Variants in MINAR1 observed in about 807,000 individuals in gnomAD.
The protein encoded by MINAR1 is membrane integral NOTCH2 associated receptor 1.
MINAR1 carries 40 observed loss-of-function variants against 65.1 expected under a neutral mutation model. The ratio of observed to expected loss-of-function variants is 0.61; its 90% CI spans 0.48 to 0.80. MINAR1 has a LOEUF of 0.80. Among genes scored for constraint, MINAR1 ranks in the 30% least tolerant of loss-of-function variants. The pLI, the probability that MINAR1 is intolerant of heterozygous loss-of-function variation, is 0.00. For synonymous variants in MINAR1, 482 were observed against 449.1 expected, an observed-to-expected ratio of 1.07 and a Z score of -0.93; for missense variants, 1,128 against 1,148.0, an observed-to-expected ratio of 0.98 and a Z score of 0.25.
the MINAR1 span, chr15:79,418,857 G>C: frequency 6.6e-6 from 1 of 150,786 alleles, no homozygotes; most frequent in East Asian, 1.9e-4. Flanking sequence ...CCAGCCAGCT[G>C]GCCTCACTCC....
At chr15:79,442,042 T>C (rs975283771) in intron 1 of MINAR1, among the ~76,000 whole-genome samples, 3 of 140,972 alleles carry the variant, frequency 2.1e-5, no homozygotes, top group Non-Finnish European at 3.1e-5. Flanking sequence ...TTTTTCAAGG[T>C]TTTTTTACTT....
the MINAR1 span, chr15:79,416,437 G>A: frequency 6.6e-6 from 1 of 152,204 alleles, no homozygotes; most frequent in African/African-American, 2.4e-5. Flanking sequence ...GAAATTCCTA[G>A]CTTGCCAGCA....
At position 79,469,429 on chromosome 15, in the gene MINAR1, A is replaced by G. The variant is rs1895992737; in HGVS notation, c.*1045A>G. On this transcript the variant is annotated 3_prime_UTR_variant, in exon 4 of 4. Coordinates refer to ENST00000305428, the MANE Select transcript of MINAR1 (RefSeq NM_015206.3). ...TTGCTCAATAATGTTCAATAATATA[A>G]TAATAATAAAGGCACTGAGGTCTTC... The G allele has an allele frequency of 6.6e-6, 1 of 152,408 alleles. No individual in the cohort carries two copies. The highest frequency in any genetic ancestry group is 1.5e-5 in the Non-Finnish European group (1 of 67,880). 9.4% of individuals were successfully genotyped at this position (152,408 alleles called of 1,614,324 possible).
intron 2 of MINAR1, 97 bp downstream of exon 2, chr15:79,458,542 C>G: frequency 3.5e-6 from 5 of 1,425,906 alleles, no homozygotes; most frequent in Non-Finnish European, 4.7e-6. Flanking sequence ...GGCAAGAGGC[C>G]TGGCCTCTGT....
At position 79,456,524 on chromosome 15, in the gene MINAR1, CAG is replaced by C. The variant is rs753035514; in HGVS notation, c.381_382del (p.Glu127AspfsTer6). On this transcript the variant is annotated frameshift_variant, in exon 2 of 4. Transcript: ENST00000305428. LOFTEE classifies it high-confidence loss of function. ...TCCTTTGAATCATGTAGGTCGGACA[CAG>C]AGATCTGCAATGCAGCTGAGTGTGA... is the stretch of plus-strand genomic sequence containing the variant. The C allele has an allele frequency of 6.2e-7, 1 of 1,614,022 alleles. No homozygotes were observed. Among genetic ancestry groups the C allele is most frequent in the Non-Finnish European group, 8.5e-7 (1 of 1,180,032 alleles).
chr15:79,446,345 C>T (rs758246720), intron 1 of MINAR1, among the ~76,000 whole-genome samples: 1 of 152,028 alleles, frequency 6.6e-6, no homozygotes, highest in Non-Finnish European at 1.5e-5. Flanking sequence ...ATATTTATCA[C>T]CTTATTTCCT....
intron 1 of MINAR1, among the ~76,000 whole-genome samples, chr15:79,445,953 GC>G (rs1380638971): frequency 2.6e-5 from 4 of 152,138 alleles, no homozygotes; most frequent in African/African-American, 7.2e-5. Flanking sequence ...GTAAGTTTAA[GC>G]TATTTACATT....
chr15:79,467,006 G>T (rs1328781353), intron 3 of MINAR1, among the ~76,000 whole-genome samples: 1 of 152,180 alleles, frequency 6.6e-6, no homozygotes, highest in Non-Finnish European at 1.5e-5. Context: ...GAACCCCCAT[G>T]GGAGCTTGAG....
intron 1 of MINAR1, among the ~76,000 whole-genome samples, chr15:79,442,328 G>A (rs1396104552): frequency 6.6e-6 from 1 of 151,840 alleles, no homozygotes; most frequent in Non-Finnish European, 1.5e-5. Context: ...ACACATTTAT[G>A]TTTATTGAAT....
Position 79,471,184 on chromosome 15 carries a change from A to G in MINAR1, c.*2800A>G, listed in dbSNP as rs1366518018. 1 of 152,144 alleles carries G rather than the reference A, an allele frequency of 6.6e-6. No homozygotes were observed. 9.4% of individuals were successfully genotyped at this position (152,144 alleles called of 1,614,324 possible). On this transcript the variant is annotated 3_prime_UTR_variant, in exon 4 of 4. Transcript: ENST00000305428. Reference sequence around the variant, plus strand: ...TCTACTGTACTGGGTGCCATCTCCCACCATACTCTGGCATTTTTATGTAAA... The same window carrying G: ...TCTACTGTACTGGGTGCCATCTCCCGCCATACTCTGGCATTTTTATGTAAA...
chr15:79,416,984 T>C, the MINAR1 span: 4 of 152,280 alleles, frequency 2.6e-5, no homozygotes, highest in Admixed American at 2.6e-4. Flanking sequence ...AATCTCTACC[T>C]TCCCAGGGAT....
At chr15:79,412,160 C>G in the MINAR1 span, 1 of 151,950 alleles carries the variant, frequency 6.6e-6, no homozygotes, top group Admixed American at 6.6e-5. Context: ...TGGACATGCA[C>G]CAGCCCAGCC....
chr15:79,425,936 C>T, the MINAR1 span: 3 of 152,402 alleles, frequency 2.0e-5, no homozygotes, highest in South Asian at 2.1e-4. Flanking sequence ...GCTGGACACT[C>T]GGAGCTGGAT....
At chr15:79,411,413 C>A in the MINAR1 span, 1 of 702,484 alleles carries the variant, frequency 1.4e-6, no homozygotes, top group Middle Eastern at 2.3e-4. Flanking sequence ...TTCAGAGGAG[C>A]TTATTGGAAG....
intron 1 of MINAR1, among the ~76,000 whole-genome samples, chr15:79,434,764 AAAG>A (rs1253784459): frequency 2.0e-5 from 3 of 152,214 alleles, no homozygotes; most frequent in Admixed American, 6.5e-5. Flanking sequence ...CAAAAAAAGA[AAAG>A]AAGGCTATGA....
Position 79,456,451 on chromosome 15 carries a change from A to G in MINAR1, c.304A>G (p.Lys102Glu). The G allele has an allele frequency of 6.2e-7, 1 of 1,614,162 alleles. No homozygotes were observed. The highest frequency in any genetic ancestry group is 8.5e-7 in the Non-Finnish European group (1 of 1,180,042). The change falls in exon 2 of 4, where the codon AAG (lysine) becomes GAG (glutamate). Residue 102 changes from lysine (K) to glutamate (E), a missense_variant. Physicochemically the swap from Lys to Glu is moderately conservative, Grantham distance 56. Coordinates refer to ENST00000305428, the MANE Select transcript of MINAR1 (RefSeq NM_015206.3). Reference sequence around the variant, plus strand: ...GATCCAAATGAATGGCGGGGCTGCCAAGGAGAAGCTGCCCACGGGCCGCCA... The same window carrying G: ...GATCCAAATGAATGGCGGGGCTGCCGAGGAGAAGCTGCCCACGGGCCGCCA... ...NLIQMNGGAA[K>E]EKLPTGRQKV...
intron 1 of MINAR1, among the ~76,000 whole-genome samples, chr15:79,432,951 A>T (rs1894492323): frequency 6.6e-6 from 1 of 152,258 alleles, no homozygotes; most frequent in Non-Finnish European, 1.5e-5. Context: ...GCGCGAAGTA[A>T]GATGGAAAGC....
intron 2 of MINAR1, among the ~76,000 whole-genome samples, chr15:79,462,106 C>G (rs755177849): frequency 6.6e-6 from 1 of 152,148 alleles, no homozygotes; most frequent in South Asian, 2.1e-4. Context: ...GACTTCATAT[C>G]GCCTCTAACC....
intron 3 of MINAR1, 145 bp from the exon 4 acceptor site, chr15:79,468,042 G>C (rs1198011537): frequency 3.1e-6 from 2 of 639,434 alleles, no homozygotes; most frequent in Non-Finnish European, 5.5e-6. Context: ...CTCAGGCATG[G>C]GGCTGGTGGG....
Sources: allele counts gnomAD v4.1 joint callset (sites outside exome capture counted in the v4.1 genomes callset), GRCh38; gene constraint gnomAD v4.1.1; transcripts MANE v1.5; gene names NCBI Gene and HGNC (gene_info 2026-07-23, HGNC 2026-07-21).